ACTA1: variants seen among roughly 807,000 people sequenced by gnomAD.
ACTA1 encodes actin alpha 1, skeletal muscle.
ACTA1 carries 25 observed loss-of-function variants against 35.8 expected under a neutral mutation model. The observed-to-expected ratio is 0.70, with a 90% CI of 0.51 to 0.97. ACTA1 has a LOEUF of 0.97. ACTA1 is among the 50% of genes least tolerant of loss of function. ACTA1 has a pLI of 0.00. For missense variants in ACTA1, 174 were observed against 533.0 expected, an observed-to-expected ratio of 0.33 and a Z score of 6.63; for synonymous variants, 219 against 217.1, an observed-to-expected ratio of 1.01 and a Z score of -0.08.
At chr1:229,432,511 C>A (rs760949276) in intron 3 of ACTA1, 45 bp downstream of exon 3, 2 of 722,820 alleles carry the variant, frequency 2.8e-6, no homozygotes, top group Admixed American at 5.5e-5. Context: ...GGGGCGGGGG[C>A]GGGGGCGGGG....
chr1:229,431,854 T>C lies in ACTA1; in HGVS notation c.857A>G (p.Lys286Arg). 1 of 1,614,082 alleles carries C rather than the reference T, an allele frequency of 6.2e-7. No homozygotes were observed. The highest frequency in any genetic ancestry group is 8.5e-7 in the Non-Finnish European group (1 of 1,179,992). The change falls in exon 6 of 7, where the codon AAG becomes AGG. Residue 286 changes from lysine (K) to arginine (R), a missense_variant. Physicochemically the swap from Lys to Arg is conservative, Grantham distance 26 (BLOSUM62 2). Transcript: ENST00000366684. The surrounding 1 kb of genome is among the most constrained non-coding windows in gnomAD (Gnocchi z 7.1). ...IHETTYNSIMKCDIDIRKDLY... is the reference protein window; with the variant it reads ...IHETTYNSIMRCDIDIRKDLY... ...GTCCTTCCTGATGTCGATGTCACAC[T>C]TCATGATGCTGTTGTAGGTGGTCTC...
chr1:229,433,209 C>A (rs1464925792), intron 1 of ACTA1, 82 bp from the exon 2 acceptor site: 2 of 1,583,572 alleles, frequency 1.3e-6, no homozygotes, highest in Non-Finnish European at 1.7e-6. Flanking sequence ...GCCTGGCTGG[C>A]CCCGACGTCC....
chr1:229,433,297 C>T (rs1337957113), intron 1 of ACTA1, among the ~76,000 whole-genome samples, 170 bp from the exon 2 acceptor site: 2 of 152,240 alleles, frequency 1.3e-5, no homozygotes, highest in Non-Finnish European at 2.9e-5. Context: ...GGGTTCTCTT[C>T]TCGACCTTTG....
intron 3 of ACTA1, 40 bp downstream of exon 3, chr1:229,432,516 G>A (rs1197929366): frequency 2.8e-6 from 4 of 1,454,134 alleles, no homozygotes; most frequent in Non-Finnish European, 3.7e-6. Flanking sequence ...GGGGGCGGGG[G>A]CGGGGGCGGG....
chr1:229,433,761 C>T lies in ACTA1; in HGVS notation c.-13+243G>A, dbSNP rs374793136. The stretch of plus-strand genomic sequence containing the variant: ...AAGCAAAACCGTTTATCTCCCTAGG[C>T]ACATCCTACATGCCAGGTAAAGGAG... On this transcript the variant is annotated intron_variant, in intron 1 of 6. Coordinates refer to ENST00000366684, the MANE Select transcript of ACTA1 (RefSeq NM_001100.4). Among the ~76,000 whole-genome samples the T allele has an allele frequency of 3.9e-4, 60 of 152,384 alleles. No homozygotes were observed. The South Asian group carries it at 0.012, about 30-fold the overall frequency.
rs374307939 is a variant in ACTA1 at position 229,432,251 on chromosome 1, G to A, written c.616+19C>T. 5 of 1,613,432 alleles carry A rather than the reference G, an allele frequency of 3.1e-6. No homozygotes were observed. The South Asian group carries it at 4.4e-5, about 14-fold the overall frequency. On this transcript the variant is annotated intron_variant, in intron 4 of 6. Transcript: ENST00000366684. ...GCCGCCGCCGGCCCTCCCGCCCGGG[G>A]TGCAGGGGCGCCGCGCACCTGTGGT...
At chr1:229,433,679 CTGCT>C (rs1660002626) in intron 1 of ACTA1, among the ~76,000 whole-genome samples, 1 of 152,254 alleles carries the variant, frequency 6.6e-6, no homozygotes, top group South Asian at 2.1e-4. Flanking sequence ...GTGGTCCTGG[CTGCT>C]CGCTCATTCG....
chr1:229,431,678 C>G lies in ACTA1; in HGVS notation c.991-36G>C. 6.2e-7 allele frequency: 1 copy of G among 1,614,006 alleles called. No homozygotes were observed. The highest frequency in any genetic ancestry group is 8.5e-7 in the Non-Finnish European group (1 of 1,179,984). On this transcript the variant is annotated intron_variant, in intron 6 of 6. Coordinates refer to ENST00000366684, the MANE Select transcript of ACTA1 (RefSeq NM_001100.4). The surrounding 1 kb of genome is among the most constrained non-coding windows in gnomAD (Gnocchi z 7.1). ...GCGCGTGAGGTGGGGAGACCTCACC[C>G]TGGAGCCCACCCCGCCGACAGCCCG... is the stretch of plus-strand genomic sequence containing the variant.
rs768815470 is a variant in ACTA1 at position 229,432,738 on chromosome 1, G to C, written c.272C>G (p.Thr91Ser). The C allele has an allele frequency of 3.1e-6, 5 of 1,614,230 alleles. No individual in the cohort carries two copies. Among genetic ancestry groups the C allele is most frequent in the Non-Finnish European group, 4.2e-6 (5 of 1,180,042 alleles). ...AGCCACGCGAAGCTCGTTGTAGAAG[G>C]TGTGGTGCCAGATCTTCTCCATGTC... ...WDDMEKIWHH[T>S]FYNELRVAPE... is the part of the protein sequence containing the mutation. Residue 91 changes from threonine to serine, a missense_variant, in exon 3 of 7, where the codon ACC becomes AGC. Transcript: ENST00000366684.
At position 229,432,437 on chromosome 1, in the gene ACTA1, C is replaced by G. The variant is rs747745049; in HGVS notation, c.455-6G>C. The G allele has an allele frequency of 4.4e-6, 7 of 1,597,970 alleles. No individual in the cohort carries two copies. The Admixed American group carries it at 5.1e-5, about 12-fold the overall frequency. On this transcript the variant is annotated splice_region_variant and splice_polypyrimidine_tract_variant and intron_variant, in intron 3 of 6. Transcript: ENST00000366684. ...GCCGGAGTCCAGCACGATGCCTGTG[C>G]GCGCGCGGGAGAGAGTGAGTGGCTG...
In ACTA1 at chr1:229,432,260, C is replaced by A. The variant is rs1659961152; in HGVS notation, c.616+10G>T. The A allele has an allele frequency of 1.9e-6, 3 of 1,613,466 alleles. No homozygotes were observed. Among genetic ancestry groups the A allele is most frequent in the South Asian group, 2.2e-5 (2 of 91,060 alleles). On this transcript the variant is annotated intron_variant, in intron 4 of 6. Transcript: ENST00000366684. ...GGCCCTCCCGCCCGGGGTGCAGGGG[C>A]GCCGCGCACCTGTGGTCACGAAGGA...
Position 229,433,188 on chromosome 1 carries a change from G to C in ACTA1, c.-12-61C>G, listed in dbSNP as rs6667660. ...CATCAGCGCAGAAGTCTCAGCGGCAGGGGGGGGTAAGCCTGGCTGGCCCCG... is the reference window on the plus strand; with the variant it reads ...CATCAGCGCAGAAGTCTCAGCGGCACGGGGGGGTAAGCCTGGCTGGCCCCG... On this transcript the variant is annotated intron_variant, in intron 1 of 6. Coordinates refer to ENST00000366684, the MANE Select transcript of ACTA1 (RefSeq NM_001100.4). The C allele has an allele frequency of 3.7e-3, 3,710 of 1,003,108 alleles. 76 individuals carry two copies. In the African/African-American group the frequency reaches 0.15, roughly 41 times the overall value. 62.1% of individuals were successfully genotyped at this position (1,003,108 alleles called of 1,614,324 possible). A position where few individuals can be genotyped will look rare whatever the true frequency, so the allele number is the denominator to read the frequency against.
chr1:229,431,365 C>T lies in ACTA1; in HGVS notation c.*134G>A. 8.4e-7 allele frequency: 1 copy of T among 1,194,780 alleles called. No individual in the cohort carries two copies. The highest frequency in any genetic ancestry group is 1.2e-6 in the Non-Finnish European group (1 of 805,486). The allele number at this position is 1,194,780 out of a possible 1,614,324, so 74.0% of individuals were successfully genotyped here. A position where few individuals can be genotyped will look rare whatever the true frequency, so the allele number is the denominator to read the frequency against. On this transcript the variant is annotated 3_prime_UTR_variant, in exon 7 of 7. Transcript: ENST00000366684. This position sits in a 1 kb window ranked among gnomAD's most constrained non-coding sequence, Gnocchi z 7.1. ...AGTTAATGTATGTACACGTTATAAACACTGTGTCAGTTTACGATGGCAGCA... is the reference window on the plus strand; with the variant it reads ...AGTTAATGTATGTACACGTTATAAATACTGTGTCAGTTTACGATGGCAGCA...
At position 229,432,539 on chromosome 1, in the gene ACTA1, G is replaced by A; in HGVS notation, c.454+17C>T. The stretch of plus-strand genomic sequence containing the variant: ...GGGCGGGGGCGGGAGAGGGGACTGG[G>A]GGCAGCGGGCACTCACCGGTGGTCC... On this transcript the variant is annotated intron_variant, in intron 3 of 6. Transcript: ENST00000366684. The A allele has an allele frequency of 3.1e-6, 5 of 1,598,676 alleles. No homozygotes were observed. The highest frequency in any genetic ancestry group is 4.3e-6 in the Non-Finnish European group (5 of 1,173,408).
Position 229,432,048 on chromosome 1 carries a change from T to C in ACTA1, c.754A>G (p.Ile252Val). The part of the protein sequence containing the change: ...YELPDGQVIT[I>V]GNERFRCPET... ...GGGCAGCGGAAGCGCTCGTTGCCGA[T>C]GGTGATGACCTGCCCGTCTGGCAGC... Residue 252 changes from isoleucine to valine, a missense_variant, in exon 5 of 7, where the codon ATC (isoleucine) becomes GTC (valine). Coordinates refer to ENST00000366684, the MANE Select transcript of ACTA1 (RefSeq NM_001100.4). The C allele has an allele frequency of 2.5e-6, 4 of 1,612,280 alleles. No individual in the cohort carries two copies. The highest frequency in any genetic ancestry group is 1.1e-5 in the South Asian group (1 of 90,992).
Position 229,431,463 on chromosome 1 carries a change from C to T in ACTA1, c.*36G>A, listed in dbSNP as rs762047409. On this transcript the variant is annotated 3_prime_UTR_variant, in exon 7 of 7. Coordinates refer to ENST00000366684, the MANE Select transcript of ACTA1 (RefSeq NM_001100.4). This position sits in a 1 kb window ranked among gnomAD's most constrained non-coding sequence, Gnocchi z 7.1. Reference sequence around the variant, plus strand: ...CCGCCCCCCCATTGAGAAGATTCGTCGTCCTGAGAAGTCGCGTGCTGGAGG... The same window carrying T: ...CCGCCCCCCCATTGAGAAGATTCGTTGTCCTGAGAAGTCGCGTGCTGGAGG... The T allele has an allele frequency of 6.2e-6, 10 of 1,612,374 alleles. No homozygotes were observed. The highest frequency in any genetic ancestry group is 1.7e-5 in the Admixed American group (1 of 60,024).
intron 3 of ACTA1, 44 bp downstream of exon 3, chr1:229,432,512 G>A (rs1165192578): frequency 6.8e-7 from 1 of 1,479,942 alleles, no homozygotes; most frequent in South Asian, 1.3e-5. Flanking sequence ...GGGCGGGGGC[G>A]GGGGCGGGGG....
chr1:229,432,260 C>T lies in ACTA1; in HGVS notation c.616+10G>A. 1 of 1,613,466 alleles carries T rather than the reference C, an allele frequency of 6.2e-7. No individual in the cohort carries two copies. The highest frequency in any genetic ancestry group is 8.5e-7 in the Non-Finnish European group (1 of 1,179,698). The stretch of plus-strand genomic sequence containing the variant: ...GGCCCTCCCGCCCGGGGTGCAGGGG[C>T]GCCGCGCACCTGTGGTCACGAAGGA... On this transcript the variant is annotated intron_variant, in intron 4 of 6. Coordinates refer to ENST00000366684, the MANE Select transcript of ACTA1 (RefSeq NM_001100.4).
At position 229,431,360 on chromosome 1, in the gene ACTA1, A is replaced by C; in HGVS notation, c.*139T>G. ...TAATAAGTTAATGTATGTACACGTT[A>C]TAAACACTGTGTCAGTTTACGATGG... On this transcript the variant is annotated 3_prime_UTR_variant, in exon 7 of 7. Transcript: ENST00000366684. This position sits in a 1 kb window ranked among gnomAD's most constrained non-coding sequence, Gnocchi z 7.1. The C allele has an allele frequency of 8.6e-6, 10 of 1,160,922 alleles. No homozygotes were observed. Among genetic ancestry groups the C allele is most frequent in the Non-Finnish European group, 1.3e-5 (10 of 776,818 alleles). The allele number at this position is 1,160,922 out of a possible 1,614,324, so 71.9% of individuals were successfully genotyped here.
Sources: allele counts gnomAD v4.1 joint callset (sites outside exome capture counted in the v4.1 genomes callset), GRCh38; gene constraint gnomAD v4.1.1; non-coding constraint Gnocchi (gnomAD v3.1); transcripts MANE v1.5; gene names NCBI Gene and HGNC (gene_info 2026-07-23, HGNC 2026-07-21).